The following LDHAL6A variants were observed in gnomAD, a reference collection of about 807,000 sequenced individuals.
The protein encoded by LDHAL6A is lactate dehydrogenase A like 6A, also known as L-lactate dehydrogenase A-like 6A.
Under a neutral mutation model 28.2 loss-of-function variants are expected in LDHAL6A, and 19 were observed. The observed-to-expected ratio is 0.67, with a 90% CI of 0.47 to 0.99. The LOEUF is 0.99. Ranked by LOEUF, LDHAL6A falls within the 50% of genes least tolerant of loss-of-function variation. The pLI is 0.00. For missense variants in LDHAL6A, 372 were observed against 398.6 expected (o/e 0.93, Z 0.57); for synonymous variants, 144 against 134.4 (o/e 1.07, Z -0.49).
intron 3 of LDHAL6A, among the ~76,000 whole-genome samples, chr11:18,474,479 C>T (rs938447565): frequency 5.3e-5 from 8 of 151,988 alleles, no homozygotes; most frequent in East Asian, 3.9e-4. Context: ...CTCCACCTCC[C>T]GGGTTCAAGC....
At chr11:18,463,735 CTGTTTT>C (rs1442886419) in intron 1 of LDHAL6A, among the ~76,000 whole-genome samples, 2 of 152,162 alleles carry the variant, frequency 1.3e-5, no homozygotes, top group Non-Finnish European at 2.9e-5. Context: ...TAAGCAGTTT[CTGTTTT>C]TGTTTTCCTC....
chr11:18,463,304 A>G (rs1247004882), intron 1 of LDHAL6A, among the ~76,000 whole-genome samples: 1 of 152,132 alleles, frequency 6.6e-6, no homozygotes, highest in Non-Finnish European at 1.5e-5. Flanking sequence ...ACAGACCTGA[A>G]TTTAGCAATC....
intron 1 of LDHAL6A, among the ~76,000 whole-genome samples, chr11:18,459,794 AG>A (rs1350736163): frequency 6.6e-6 from 1 of 152,094 alleles, no homozygotes; most frequent in Non-Finnish European, 1.5e-5. Flanking sequence ...GGGCTCCTCT[AG>A]GCTATGACAG....
Position 18,456,006 on chromosome 11 carries a change from C to T in LDHAL6A, c.-675C>T, listed in dbSNP as rs946734030. On this transcript the variant is annotated 5_prime_UTR_variant, in exon 1 of 7. Coordinates refer to ENST00000280706, the MANE Select transcript of LDHAL6A (RefSeq NM_144972.5). ...AGGGGGCGACCCGGCGTCTGTTAGT[C>T]GGCGGTTCATCTCCTTCGTGCCTCG... The T allele has an allele frequency of 2.6e-5, 4 of 152,692 alleles. No individual in the cohort carries two copies. The highest frequency in any genetic ancestry group is 3.4e-3 in the Middle Eastern group (1 of 294). 9.5% of individuals were successfully genotyped at this position (152,692 alleles called of 1,614,324 possible).
At chr11:18,457,602 A>G (rs1848791106) in intron 1 of LDHAL6A, among the ~76,000 whole-genome samples, 1 of 152,192 alleles carries the variant, frequency 6.6e-6, no homozygotes, top group Non-Finnish European at 1.5e-5. Flanking sequence ...TGCCAGCCAT[A>G]CAAATTCCCC....
intron 1 of LDHAL6A, among the ~76,000 whole-genome samples, chr11:18,463,420 C>T (rs1331077230): frequency 6.6e-6 from 1 of 152,196 alleles, no homozygotes; most frequent in East Asian, 1.9e-4. Flanking sequence ...TTGGACTTCT[C>T]AGCCTCCATA....
chr11:18,469,032 T>C, intron 3 of LDHAL6A: 1 of 407,722 alleles, frequency 2.5e-6, no homozygotes, highest in African/African-American at 2.0e-5. Context: ...GATGATACAT[T>C]ATCACATTGT....
chr11:18,469,298 T>C, intron 3 of LDHAL6A: 1 of 504,714 alleles, frequency 2.0e-6, no homozygotes, highest in Non-Finnish European at 3.5e-6. Context: ...AAAACGCCTC[T>C]ACCCTCAAAG....
rs1378692963 is a variant in LDHAL6A at position 18,478,973 on chromosome 11, T to C, written c.*103T>C. The stretch of plus-strand genomic sequence containing the variant: ...TTTGAATTTCTAAAAGTTGGAAAAA[T>C]AGAGGAAAGAGTGACCTATTTAGTA... On this transcript the variant is annotated 3_prime_UTR_variant, in exon 7 of 7. Transcript: ENST00000280706. 1.9e-6 allele frequency: 2 copies of C among 1,067,936 alleles called. No homozygotes were observed. The highest frequency in any genetic ancestry group is 1.6e-5 in the African/African-American group (1 of 62,768). The allele number at this position is 1,067,936 out of a possible 1,614,324, so 66.2% of individuals were successfully genotyped here.
At chr11:18,477,468 G>GA in intron 5 of LDHAL6A, 152 bp from the exon 6 acceptor site, 3 of 630,806 alleles carry the variant, frequency 4.8e-6, no homozygotes, top group Non-Finnish European at 7.7e-6. Context: ...AAAAAAAGAA[G>GA]AAAGAAAAAA....
chr11:18,459,985 C>T (rs947999981), intron 1 of LDHAL6A, among the ~76,000 whole-genome samples: 2 of 152,134 alleles, frequency 1.3e-5, no homozygotes, highest in Admixed American at 6.6e-5. Context: ...CATCATATCC[C>T]GGCTACATAC....
chr11:18,460,320 G>A (rs949860159), intron 1 of LDHAL6A, among the ~76,000 whole-genome samples: 1 of 151,900 alleles, frequency 6.6e-6, no homozygotes, highest in East Asian at 1.9e-4. Flanking sequence ...GGCCGGGCAC[G>A]GTGGCTCACA....
At chr11:18,469,668 T>C (rs1207334711) in intron 3 of LDHAL6A, among the ~76,000 whole-genome samples, 1 of 152,204 alleles carries the variant, frequency 6.6e-6, no homozygotes, top group African/African-American at 2.4e-5. Context: ...ATCAAATATA[T>C]CTTCCATATC....
chr11:18,468,050 TATATATATATAC>T (rs1247788546), intron 3 of LDHAL6A, among the ~76,000 whole-genome samples: 580 of 10,696 alleles, frequency 0.054, 36 homozygotes, highest in African/African-American at 0.082. Flanking sequence ...TATATATACG[TATATATATATAC>T]ATATATATAT....
chr11:18,475,195 ATTTG>A (rs1565075211), intron 3 of LDHAL6A: 4 of 317,930 alleles, frequency 1.3e-5, no homozygotes, highest in Non-Finnish European at 1.2e-5. Flanking sequence ...ATAAGAGAGT[ATTTG>A]TTTATTCATA....
chr11:18,461,173 C>T (rs1222499645), intron 1 of LDHAL6A, among the ~76,000 whole-genome samples: 1 of 143,882 alleles, frequency 7.0e-6, no homozygotes, highest in Non-Finnish European at 1.5e-5. Flanking sequence ...GAGACAGAAT[C>T]TCGCTCTGTT....
At chr11:18,456,933 A>C in intron 1 of LDHAL6A, 127 bp downstream of exon 1, 10 of 938,534 alleles carry the variant, frequency 1.1e-5, no homozygotes, top group Non-Finnish European at 1.5e-5. Context: ...ATCAGAGGAA[A>C]AGGTGCCCTT....
intron 3 of LDHAL6A, among the ~76,000 whole-genome samples, chr11:18,471,295 C>T (rs569825075): frequency 1.3e-5 from 2 of 151,192 alleles, no homozygotes; most frequent in East Asian, 2.0e-4. Context: ...CTGCAACCTC[C>T]GCCTCCTGGG....
intron 6 of LDHAL6A, among the ~76,000 whole-genome samples, chr11:18,478,500 C>T (rs991902953): frequency 6.6e-6 from 1 of 151,926 alleles, no homozygotes; most frequent in African/African-American, 2.4e-5. Flanking sequence ...GCGGAGCTTG[C>T]AGTGAGCCGA....
Sources: gnomAD v4.1 joint callset for allele counts (sites outside exome capture counted in the v4.1 genomes callset) on GRCh38, gnomAD v4.1.1 for gene constraint, MANE v1.5 for transcripts, NCBI Gene and HGNC (gene_info 2026-07-23, HGNC 2026-07-21) for gene names.